Variants in NPFFR2 observed in about 807,000 individuals in gnomAD.
NPFFR2 encodes the protein neuropeptide FF receptor 2.
NPFFR2 carries 15 observed loss-of-function variants against 13.1 expected under a neutral mutation model. The observed-to-expected ratio is 1.15, with a 90% CI of 0.77 to 1.76. NPFFR2 has a LOEUF of 1.76. Ranked by LOEUF, NPFFR2 falls within the 40% of genes most tolerant of loss-of-function variation. NPFFR2 has a pLI of 0.00. For missense variants in NPFFR2, 572 were observed against 503.5 expected, an observed-to-expected ratio of 1.14 and a Z score of -1.30; for synonymous variants, 190 against 175.7, an observed-to-expected ratio of 1.08 and a Z score of -0.65.
intron 2 of NPFFR2, among the ~76,000 whole-genome samples, chr4:72,135,681 T>G (rs1316745753): frequency 6.6e-6 from 1 of 152,088 alleles, no homozygotes; most frequent in Non-Finnish European, 1.5e-5. Flanking sequence ...TGTTTTCTAT[T>G]TTTCATATGT....
intron 1 of NPFFR2, among the ~76,000 whole-genome samples, chr4:72,099,461 G>C (rs1057268192): frequency 5.9e-5 from 9 of 152,154 alleles, no homozygotes; most frequent in Non-Finnish European, 1.2e-4. Flanking sequence ...TCTGCAGGCT[G>C]TACAAGCATT....
At chr4:72,067,274 A>G (rs4463035) in intron 1 of NPFFR2, among the ~76,000 whole-genome samples, 146,729 of 152,118 alleles carry the variant, frequency 0.96, 70,992 homozygotes, top group East Asian at 1. Context: ...GCCAGTGAGC[A>G]CTGTACCAGA....
chr4:72,105,853 G>T (rs72856193), intron 1 of NPFFR2, among the ~76,000 whole-genome samples: 2 of 151,872 alleles, frequency 1.3e-5, no homozygotes, highest in South Asian at 4.1e-4. Context: ...ATACTCTTGC[G>T]TTTGGGGTTT....
chr4:72,043,664 C>A (rs1719298436), intron 1 of NPFFR2, among the ~76,000 whole-genome samples: 1 of 152,210 alleles, frequency 6.6e-6, no homozygotes, highest in African/African-American at 2.4e-5. Context: ...TAATTTATCC[C>A]ATGTGAAATG....
intron 1 of NPFFR2, among the ~76,000 whole-genome samples, chr4:72,111,954 A>T (rs913294544): frequency 6.6e-6 from 1 of 151,892 alleles, no homozygotes; most frequent in Admixed American, 6.6e-5. Flanking sequence ...GAACATTGAA[A>T]ACCTCTATCT....
intron 1 of NPFFR2, among the ~76,000 whole-genome samples, chr4:72,074,919 T>G (rs2109787461): frequency 6.6e-6 from 1 of 151,940 alleles, no homozygotes; most frequent in South Asian, 2.1e-4. Flanking sequence ...GATTATGAGA[T>G]GAACAAGGAC....
chr4:72,127,521 G>A (rs1490994768), intron 1 of NPFFR2, among the ~76,000 whole-genome samples: 56 of 143,816 alleles, frequency 3.9e-4, no homozygotes, highest in African/African-American at 1.3e-3. Context: ...CCGCCACCAC[G>A]CCCGGCTAAT....
chr4:72,116,731 G>T (rs1721722699), intron 1 of NPFFR2, among the ~76,000 whole-genome samples: 1 of 152,022 alleles, frequency 6.6e-6, no homozygotes, highest in African/African-American at 2.4e-5. Context: ...TCTTTTATGG[G>T]CATTCGTTTG....
chr4:72,124,482 C>G (rs1721977495), intron 1 of NPFFR2, among the ~76,000 whole-genome samples: 1 of 150,272 alleles, frequency 6.7e-6, no homozygotes, highest in African/African-American at 2.5e-5. Context: ...CATCAGGCTA[C>G]CTGACTTCAA....
Position 72,147,076 on chromosome 4 carries a change from C to T in NPFFR2, c.527C>T (p.Ser176Phe), listed in dbSNP as rs1722803917. Residue 176 changes from serine to phenylalanine, a missense_variant, in exon 4 of 4, where the codon TCT becomes TTT. By Grantham distance (155) the Ser-to-Phe change is radical. Transcript: ENST00000308744. Reference protein sequence around the residue: ...IIWVLAITIMSPSAVMLHVQE... With the variant: ...IIWVLAITIMFPSAVMLHVQE... ...TGGGTCCTAGCCATCACCATTATGT[C>T]TCCATCTGCAGTAATGTTACATGTG... 1 of 1,614,034 alleles carries T rather than the reference C, an allele frequency of 6.2e-7. No homozygotes were observed. The highest frequency in any genetic ancestry group is 8.5e-7 in the Non-Finnish European group (1 of 1,179,932).
rs141487091 is a variant in NPFFR2 at position 72,032,579 on chromosome 4, G to A, written c.-8+379G>A. On this transcript the variant is annotated intron_variant, in intron 1 of 3. Coordinates refer to ENST00000308744, the MANE Select transcript of NPFFR2 (RefSeq NM_004885.3). The stretch of plus-strand genomic sequence containing the variant: ...TTTCTAAACTGTTTTTATCCGTGAT[G>A]CTTCTAAGCAATGATCTTTGTGTAT... 4.0e-4 allele frequency among the ~76,000 whole-genome samples: 61 copies of A among 152,334 alleles called. No individual in the cohort carries two copies. In the East Asian group the frequency reaches 8.5e-3, roughly 21 times the overall value.
At chr4:72,105,536 T>C (rs1721394144) in intron 1 of NPFFR2, among the ~76,000 whole-genome samples, 1 of 151,940 alleles carries the variant, frequency 6.6e-6, no homozygotes, top group African/African-American at 2.4e-5. Flanking sequence ...TACTAATAAA[T>C]GTAAGGAAAG....
At chr4:72,089,757 C>G (rs1327180919) in intron 1 of NPFFR2, among the ~76,000 whole-genome samples, 1 of 152,110 alleles carries the variant, frequency 6.6e-6, no homozygotes, top group Non-Finnish European at 1.5e-5. Flanking sequence ...TATTTTCTCC[C>G]ACTCTTTGTG....
Position 72,147,550 on chromosome 4 carries a change from G to T in NPFFR2, c.1001G>T (p.Gly334Val). 6.2e-7 allele frequency: 1 copy of T among 1,614,178 alleles called. No individual in the cohort carries two copies. The highest frequency in any genetic ancestry group is 1.3e-5 in the African/African-American group (1 of 75,040). Residue 334 changes from glycine (G) to valine (V), a missense_variant, in exon 4 of 4, where the codon GGT becomes GTT. By Grantham distance (109) the Gly-to-Val change is moderately radical. Transcript: ENST00000308744. ...GNSSVNPIIY[G>V]FFNENFRRGF... is the part of the protein sequence containing the mutation. ...AGCAGTGTCAATCCCATCATTTATG[G>T]TTTCTTCAACGAGAATTTCCGCCGT...
chr4:72,147,436 T>G lies in NPFFR2; in HGVS notation c.887T>G (p.Leu296Arg). The G allele has an allele frequency of 6.2e-7, 1 of 1,614,194 alleles. No individual in the cohort carries two copies. The highest frequency in any genetic ancestry group is 8.5e-7 in the Non-Finnish European group (1 of 1,180,026). Residue 296 changes from leucine (L) to arginine (R), a missense_variant, in exon 4 of 4, where the codon CTC becomes CGC. By Grantham distance (102) the Leu-to-Arg change is moderately radical. Coordinates refer to ENST00000308744, the MANE Select transcript of NPFFR2 (RefSeq NM_004885.3). ...SWLPLWTLMM[L>R]SDYADLSPNE... ...CTGCCCCTGTGGACTCTAATGATGC[T>G]CTCAGACTACGCTGACCTTTCTCCA...
chr4:72,048,159 A>G (rs1719431525), intron 1 of NPFFR2, among the ~76,000 whole-genome samples: 1 of 152,092 alleles, frequency 6.6e-6, no homozygotes, highest in Non-Finnish European at 1.5e-5. Flanking sequence ...CAGAGAGCAT[A>G]TGCACTTTAT....
chr4:72,087,405 A>C (rs1560407346), intron 1 of NPFFR2, among the ~76,000 whole-genome samples: 1 of 152,050 alleles, frequency 6.6e-6, no homozygotes, highest in Non-Finnish European at 1.5e-5. Context: ...CAGATAATAC[A>C]ATTCTTATTG....
chr4:72,107,660 A>G (rs1351454209), intron 1 of NPFFR2, among the ~76,000 whole-genome samples: 1 of 151,954 alleles, frequency 6.6e-6, no homozygotes, highest in African/African-American at 2.4e-5. Flanking sequence ...TCTACTCATC[A>G]TAAGTATGCC....
intron 1 of NPFFR2, among the ~76,000 whole-genome samples, chr4:72,088,344 A>G (rs1329995869): frequency 6.6e-6 from 1 of 151,982 alleles, no homozygotes; most frequent in African/African-American, 2.4e-5. Flanking sequence ...ATATTGATGA[A>G]AATGTGTAGG....
Sources: gnomAD v4.1 joint callset for allele counts (sites outside exome capture counted in the v4.1 genomes callset) on GRCh38, gnomAD v4.1.1 for gene constraint, MANE v1.5 for transcripts, NCBI Gene and HGNC (gene_info 2026-07-23, HGNC 2026-07-21) for gene names.